The following PPP1R14D variants were observed in gnomAD, a reference collection of about 807,000 sequenced individuals.
PPP1R14D encodes protein phosphatase 1 regulatory subunit 14D.
PPP1R14D carries 14 observed loss-of-function variants against 17.1 expected under a neutral mutation model. The observed-to-expected ratio is 0.82, with a 90% CI of 0.54 to 1.28. The LOEUF is 1.28. Among genes scored for constraint, PPP1R14D ranks in the 50% most tolerant of loss-of-function variants. The pLI is 0.00. For missense variants in PPP1R14D, 173 were observed against 179.2 expected, an observed-to-expected ratio of 0.97 and a Z score of 0.20; for synonymous variants, 67 against 66.1, an observed-to-expected ratio of 1.01 and a Z score of -0.06.
intron 1 of PPP1R14D, among the ~76,000 whole-genome samples, chr15:40,818,255 C>T (rs1890707879): frequency 6.9e-6 from 1 of 144,126 alleles, no homozygotes; most frequent in Non-Finnish European, 1.5e-5. Context: ...CGCCACTGCA[C>T]TCCAGCCTGG....
chr15:40,818,313 C>CCA (rs777528654), intron 1 of PPP1R14D, among the ~76,000 whole-genome samples: 168 of 133,056 alleles, frequency 1.3e-3, no homozygotes, highest in Non-Finnish European at 2.2e-3. Flanking sequence ...AAAAAAAAAA[C>CCA]CACACATGCA....
At chr15:40,823,752 C>G (rs148225298) in intron 1 of PPP1R14D, among the ~76,000 whole-genome samples, 116 of 152,202 alleles carry the variant, frequency 7.6e-4, no homozygotes, top group African/African-American at 2.7e-3. Flanking sequence ...TGTACATACA[C>G]TCTATGATGT....
intron 3 of PPP1R14D, 40 bp from the exon 4 acceptor site, chr15:40,815,801 A>T: frequency 6.4e-7 from 1 of 1,556,502 alleles, no homozygotes; most frequent in Non-Finnish European, 8.8e-7. Context: ...TTGGGGTCAC[A>T]ATTCACCCCC....
chr15:40,822,567 C>T (rs543900501), intron 1 of PPP1R14D, among the ~76,000 whole-genome samples: 2 of 151,952 alleles, frequency 1.3e-5, no homozygotes, highest in Non-Finnish European at 1.5e-5. Context: ...GATTCTCCTG[C>T]CTCAGCCTCC....
chr15:40,817,336 CAG>C (rs1418067793), intron 1 of PPP1R14D: 1 of 137,172 alleles, frequency 7.3e-6, no homozygotes, highest in Admixed American at 8.4e-5. Flanking sequence ...GCCTGGGTGA[CAG>C]AGCAAGACTC....
At chr15:40,825,093 G>A (rs11856866) in intron 1 of PPP1R14D, among the ~76,000 whole-genome samples, 1 of 151,696 alleles carries the variant, frequency 6.6e-6, no homozygotes. Flanking sequence ...AGACCAGACT[G>A]GCCAACATGG....
chr15:40,823,610 A>G (rs1890821429), intron 1 of PPP1R14D, among the ~76,000 whole-genome samples: 1 of 152,184 alleles, frequency 6.6e-6, no homozygotes, highest in Admixed American at 6.5e-5. Flanking sequence ...GTTCAGATAT[A>G]TAAATACTTA....
chr15:40,828,527 A>T lies in PPP1R14D; in HGVS notation c.115T>A (p.Ser39Thr). Residue 39 changes from serine (S) to threonine (T), a missense_variant, in exon 1 of 4, where the codon TCC becomes ACC. Coordinates refer to ENST00000299174, the MANE Select transcript of PPP1R14D (RefSeq NM_017726.8). ...TTGGAGGAGTCCGGGTGGGACTTGGACTCTGAGTCTGTGGATGATGTCCTT... is the reference window on the plus strand; with the variant it reads ...TTGGAGGAGTCCGGGTGGGACTTGGTCTCTGAGTCTGTGGATGATGTCCTT... Reference protein sequence around the residue: ...RRRTSSTDSESKSHPDSSKIP... With the variant: ...RRRTSSTDSETKSHPDSSKIP... 1 of 1,613,952 alleles carries T rather than the reference A, an allele frequency of 6.2e-7. No individual in the cohort carries two copies. Among genetic ancestry groups the T allele is most frequent in the East Asian group, 2.2e-5 (1 of 44,868 alleles).
chr15:40,816,146 G>A (rs1292992275), intron 2 of PPP1R14D, 24 bp downstream of exon 2: 1 of 1,611,950 alleles, frequency 6.2e-7, no homozygotes, highest in East Asian at 2.2e-5. Flanking sequence ...CTGACCCAAG[G>A]CCAGCTTCTA....
intron 3 of PPP1R14D, 56 bp downstream of exon 3, chr15:40,815,906 C>A: frequency 6.2e-7 from 1 of 1,602,378 alleles, no homozygotes. Flanking sequence ...TCCTCATTAG[C>A]TACCTCCCCC....
chr15:40,816,091 C>G (rs376596004), intron 2 of PPP1R14D, 79 bp downstream of exon 2: 16 of 1,601,516 alleles, frequency 1.0e-5, no homozygotes, highest in African/African-American at 4.0e-5. Flanking sequence ...GATTGGTTCT[C>G]TGCACTCCAC....
chr15:40,819,963 T>A (rs918200387), intron 1 of PPP1R14D, among the ~76,000 whole-genome samples: 4 of 140,150 alleles, frequency 2.9e-5, no homozygotes, highest in African/African-American at 1.1e-4. Flanking sequence ...GCCTCCCGGG[T>A]TCAAGCGATT....
chr15:40,822,319 TAAA>T (rs936212146), intron 1 of PPP1R14D, among the ~76,000 whole-genome samples: 1 of 140,026 alleles, frequency 7.1e-6, no homozygotes. Flanking sequence ...ACCTTGCCTC[TAAA>T]AAAAAAAAAG....
chr15:40,826,423 C>A (rs780033786), intron 1 of PPP1R14D, among the ~76,000 whole-genome samples: 7 of 152,172 alleles, frequency 4.6e-5, no homozygotes, highest in Non-Finnish European at 8.8e-5. Flanking sequence ...GGTTCTCAGC[C>A]CAGCCACACA....
intron 1 of PPP1R14D, among the ~76,000 whole-genome samples, chr15:40,818,442 G>A (rs1890714935): frequency 1.3e-5 from 2 of 152,120 alleles, no homozygotes; most frequent in Admixed American, 1.3e-4. Context: ...ATATTATTCA[G>A]TGCAAAAATG....
intron 1 of PPP1R14D, among the ~76,000 whole-genome samples, chr15:40,819,634 A>G (rs1890736202): frequency 6.6e-6 from 1 of 152,082 alleles, no homozygotes; most frequent in African/African-American, 2.4e-5. Context: ...AGGAACCTCC[A>G]TGGGTCACTA....
Position 40,828,379 on chromosome 15 carries a change from C to T in PPP1R14D, c.255+8G>A, listed in dbSNP as rs937945371. On this transcript the variant is annotated splice_region_variant and intron_variant, in intron 1 of 3. Transcript: ENST00000299174. Reference sequence around the variant, plus strand: ...CCATCTCCTCCCACTATCCGCTGTGCTACCTACCTGGAAGAGCTCCTGAAC... The same window carrying T: ...CCATCTCCTCCCACTATCCGCTGTGTTACCTACCTGGAAGAGCTCCTGAAC... 6.3e-7 allele frequency: 1 copy of T among 1,581,034 alleles called. No individual in the cohort carries two copies. Among genetic ancestry groups the T allele is most frequent in the African/African-American group, 1.3e-5 (1 of 74,288 alleles).
intron 1 of PPP1R14D, chr15:40,817,283 G>T: frequency 3.4e-6 from 1 of 292,874 alleles, no homozygotes; most frequent in Admixed American, 3.4e-5. Context: ...ATTGAACCCG[G>T]GAGGCAGAAG....
At chr15:40,817,054 G>A (rs557623807) in intron 1 of PPP1R14D, among the ~76,000 whole-genome samples, 41 of 151,508 alleles carry the variant, frequency 2.7e-4, no homozygotes, top group African/African-American at 9.5e-4. Context: ...CCGTCTGGGC[G>A]AGTCTCTGTC....
Sources: allele counts gnomAD v4.1 joint callset (sites outside exome capture counted in the v4.1 genomes callset), GRCh38; gene constraint gnomAD v4.1.1; transcripts MANE v1.5; gene names NCBI Gene and HGNC (gene_info 2026-07-23, HGNC 2026-07-21).